Variants in FNIP1 observed in about 807,000 individuals in gnomAD.
FNIP1 encodes the protein folliculin-interacting protein 1.
A neutral mutation model predicts 124.5 loss-of-function variants in FNIP1; 40 were observed. The observed-to-expected ratio is 0.32, with a 90% confidence interval of 0.25 to 0.42. The LOEUF (loss-of-function observed/expected upper bound fraction) is 0.42, where lower values mean the gene tolerates loss of function less well. FNIP1 is among the 10% of genes least tolerant of loss of function. FNIP1 has a pLI of 1.00. For synonymous variants in FNIP1, 472 were observed against 470.6 expected (o/e 1.00, Z -0.04); for missense variants, 1,176 against 1,403.7 (o/e 0.84, Z 2.59).
At chr5:131,710,760 C>G in intron 6 of FNIP1, 99 bp from the exon 7 acceptor site, 1 of 857,440 alleles carries the variant, frequency 1.2e-6, no homozygotes. Flanking sequence ...CAAGAGCAGA[C>G]CAACAAATAT....
intron 1 of FNIP1, among the ~76,000 whole-genome samples, chr5:131,754,111 C>G (rs1770969023): frequency 6.6e-6 from 1 of 152,218 alleles, no homozygotes; most frequent in African/African-American, 2.4e-5. Flanking sequence ...CATGTCCGGC[C>G]TAAAACAGAC....
At chr5:131,735,025 C>T (rs1012253808) in intron 2 of FNIP1, among the ~76,000 whole-genome samples, 2 of 152,136 alleles carry the variant, frequency 1.3e-5, no homozygotes, top group Non-Finnish European at 2.9e-5. Flanking sequence ...TTTATTGCAG[C>T]ACTACTCACA....
chr5:131,776,753 C>T (rs1363209693), intron 1 of FNIP1, among the ~76,000 whole-genome samples: 1 of 152,052 alleles, frequency 6.6e-6, no homozygotes, highest in Non-Finnish European at 1.5e-5. Flanking sequence ...AGTGGTTACC[C>T]CAGGCAAAGA....
In FNIP1 at chr5:131,722,206, A is replaced by T. The variant is rs114582257; in HGVS notation, c.355-2789T>A. ...TCACTACAGATGGAGATGTCATATT[A>T]TAACAACAATGCAACAAGTACACAC... is the stretch of plus-strand genomic sequence containing the variant. On this transcript the variant is annotated intron_variant, in intron 3 of 17. Transcript: ENST00000510461. Among the ~76,000 whole-genome samples the T allele has an allele frequency of 2.7e-3, 407 of 152,354 alleles. 3 individuals carry two copies. Among genetic ancestry groups the T allele is most frequent in the African/African-American group, 9.4e-3 (392 of 41,578 alleles).
intron 1 of FNIP1, among the ~76,000 whole-genome samples, chr5:131,756,432 G>C (rs1246694693): frequency 6.6e-6 from 1 of 152,084 alleles, no homozygotes; most frequent in East Asian, 1.9e-4. Context: ...ACGTGTATGT[G>C]TATGAAATAC....
intron 3 of FNIP1, among the ~76,000 whole-genome samples, chr5:131,723,863 C>T (rs1334028756): frequency 1.1e-4 from 17 of 151,700 alleles, no homozygotes; most frequent in Admixed American, 1.1e-3. Context: ...TCCCCCTAGC[C>T]CCCCACCCCC....
intron 1 of FNIP1, among the ~76,000 whole-genome samples, chr5:131,756,541 G>A (rs2149569343): frequency 6.6e-6 from 1 of 152,264 alleles, no homozygotes; most frequent in South Asian, 2.1e-4. Context: ...GGTAATCAGA[G>A]AGAATTTTTG....
At chr5:131,789,559 T>C (rs922858529) in intron 1 of FNIP1, among the ~76,000 whole-genome samples, 3 of 152,176 alleles carry the variant, frequency 2.0e-5, no homozygotes, top group African/African-American at 7.2e-5. Flanking sequence ...ACTCCACATC[T>C]ATCTCACTTT....
chr5:131,697,963 C>A (rs1379486616), intron 11 of FNIP1, among the ~76,000 whole-genome samples: 5 of 107,926 alleles, frequency 4.6e-5, no homozygotes, highest in South Asian at 2.9e-4. Flanking sequence ...AGCAAGACTC[C>A]ACCTCAAAAA....
intron 1 of FNIP1, among the ~76,000 whole-genome samples, chr5:131,753,023 G>A (rs1375985955): frequency 1.3e-5 from 2 of 152,186 alleles, no homozygotes; most frequent in African/African-American, 4.8e-5. Context: ...AGTGAGCCAC[G>A]ATTGCATCAC....
At chr5:131,656,936 C>T (rs191464491) in intron 15 of FNIP1, among the ~76,000 whole-genome samples, 332 of 151,900 alleles carry the variant, frequency 2.2e-3, no homozygotes, top group Middle Eastern at 0.02. Context: ...AAAAGATAAA[C>T]ACCAGCCCTG....
At chr5:131,737,640 C>T (rs147924024) in intron 2 of FNIP1, among the ~76,000 whole-genome samples, 122 of 152,246 alleles carry the variant, frequency 8.0e-4, no homozygotes, top group Non-Finnish European at 1.5e-3. Context: ...ATCTATAAAT[C>T]GGAATAATAA....
chr5:131,691,180 A>G (rs1196434432), intron 11 of FNIP1, among the ~76,000 whole-genome samples: 1 of 152,360 alleles, frequency 6.6e-6, no homozygotes, highest in East Asian at 1.9e-4. Context: ...CAAACTAGAA[A>G]TCAGTAAGAA....
intron 1 of FNIP1, among the ~76,000 whole-genome samples, chr5:131,745,435 G>A (rs984121307): frequency 3.9e-5 from 6 of 152,076 alleles, no homozygotes; most frequent in African/African-American, 1.2e-4. Flanking sequence ...TGGGAGGATC[G>A]CTTGAGCCTG....
chr5:131,659,558 T>A (rs1767344325), intron 15 of FNIP1, among the ~76,000 whole-genome samples: 1 of 152,050 alleles, frequency 6.6e-6, no homozygotes, highest in Admixed American at 6.5e-5. Flanking sequence ...CATGAGGTAG[T>A]TAGTAAGGTC....
chr5:131,742,924 C>G (rs1770558367), intron 2 of FNIP1, among the ~76,000 whole-genome samples: 1 of 152,088 alleles, frequency 6.6e-6, no homozygotes, highest in African/African-American at 2.4e-5. Flanking sequence ...TACAATCGAT[C>G]AAAATGTGTC....
At chr5:131,693,192 C>T (rs1311638708) in intron 11 of FNIP1, among the ~76,000 whole-genome samples, 1 of 146,332 alleles carries the variant, frequency 6.8e-6, no homozygotes, top group Non-Finnish European at 1.5e-5. Context: ...TTTAGCCATT[C>T]CACATGTGTA....
At position 131,785,029 on chromosome 5, in the gene FNIP1, CATAT is replaced by C. The variant is rs1554100672; in HGVS notation, c.92+11797_92+11800del. On this transcript the variant is annotated intron_variant, in intron 1 of 17. Transcript: ENST00000510461. The stretch of plus-strand genomic sequence containing the variant: ...ATGACTATATATATGATATATATGA[CATAT>C]ATATGATATATATGACTATATATAT... Among the ~76,000 whole-genome samples the C allele has an allele frequency of 2.3e-4, 3 of 13,222 alleles. 1 individual carries two copies. The South Asian group carries it at 8.3e-3, about 37-fold the overall frequency. The allele number at this position is 13,222 out of a possible 152,430, so 8.7% of individuals were successfully genotyped here.
chr5:131,694,011 C>T (rs763025777), intron 11 of FNIP1, among the ~76,000 whole-genome samples: 1 of 152,086 alleles, frequency 6.6e-6, no homozygotes, highest in Non-Finnish European at 1.5e-5. Flanking sequence ...CAAATTAAAA[C>T]AATAATGATA....
Sources: allele counts gnomAD v4.1 joint callset (sites outside exome capture counted in the v4.1 genomes callset), GRCh38; gene constraint gnomAD v4.1.1; transcripts MANE v1.5; gene names NCBI Gene and HGNC (gene_info 2026-07-23, HGNC 2026-07-21).